LUZP2: variants seen among roughly 807,000 people sequenced by gnomAD.
LUZP2 encodes the protein leucine zipper protein 2.
In LUZP2, 52 loss-of-function variants were observed where a neutral mutation model predicts 51.6. The ratio of observed to expected loss-of-function variants is 1.01; its 90% CI spans 0.81 to 1.27. The LOEUF (loss-of-function observed/expected upper bound fraction) is 1.27. Ranked by LOEUF, LUZP2 falls within the 50% of genes most tolerant of loss-of-function variation. The pLI, the probability that LUZP2 is intolerant of heterozygous loss-of-function variation, is 0.00. For missense variants in LUZP2, 436 were observed against 395.4 expected (o/e 1.10, Z -0.87); for synonymous variants, 154 against 137.3 (o/e 1.12, Z -0.85).
intron 10 of LUZP2, among the ~76,000 whole-genome samples, chr11:25,069,494 G>T (rs765543687): frequency 1.3e-5 from 2 of 151,620 alleles, no homozygotes; most frequent in Non-Finnish European, 2.9e-5. Flanking sequence ...TCAAACCCCA[G>T]CTACACGTAC....
chr11:24,619,596 AG>A (rs1040787716), intron 1 of LUZP2, among the ~76,000 whole-genome samples: 1 of 152,192 alleles, frequency 6.6e-6, no homozygotes, highest in African/African-American at 2.4e-5. Flanking sequence ...AATTATAGTT[AG>A]TACAGTTATC....
chr11:24,901,381 G>C (rs1399824097), intron 5 of LUZP2, among the ~76,000 whole-genome samples: 2 of 144,114 alleles, frequency 1.4e-5, no homozygotes, highest in Admixed American at 7.2e-5. Context: ...AGTGAACTTT[G>C]ACCCTTACCT....
intron 1 of LUZP2, among the ~76,000 whole-genome samples, chr11:24,648,638 G>C (rs544084998): frequency 3.3e-5 from 5 of 151,932 alleles, no homozygotes; most frequent in Non-Finnish European, 7.4e-5. Flanking sequence ...TGGCAAAGGA[G>C]TCAGATTCAA....
At chr11:24,963,860 C>A (rs951726973) in intron 7 of LUZP2, among the ~76,000 whole-genome samples, 5 of 152,156 alleles carry the variant, frequency 3.3e-5, no homozygotes, top group Non-Finnish European at 5.9e-5. Context: ...TTCTGCGTTG[C>A]TCATGCTGGG....
chr11:25,081,663 AT>A lies in LUZP2; in HGVS notation c.*3006del, dbSNP rs1404314961. 1 of 152,192 alleles carries A rather than the reference AT, an allele frequency of 6.6e-6. No homozygotes were observed. Among genetic ancestry groups the A allele is most frequent in the African/African-American group, 2.4e-5 (1 of 41,454 alleles). 9.4% of individuals were successfully genotyped at this position (152,192 alleles called of 1,614,324 possible). On this transcript the variant is annotated 3_prime_UTR_variant, in exon 12 of 12. Transcript: ENST00000336930. ...CTCACATATTTTAATTAACAACTAA[AT>A]AAACAGACGTTGTTTTAAAGGAATT...
intron 1 of LUZP2, among the ~76,000 whole-genome samples, chr11:24,617,834 G>A (rs66522807): frequency 0.36 from 53,886 of 151,508 alleles, 9,717 homozygotes; most frequent in Middle Eastern, 0.42. Context: ...TCCAAAAATA[G>A]TAATAATAAT....
intron 7 of LUZP2, among the ~76,000 whole-genome samples, chr11:24,974,496 T>TCACA (rs1855831844): frequency 4.5e-5 from 1 of 22,104 alleles, no homozygotes; most frequent in Non-Finnish European, 2.9e-3. Context: ...TAGCATTTTC[T>TCACA]TACACATTAA....
At chr11:24,874,445 T>G (rs1440735144) in intron 5 of LUZP2, among the ~76,000 whole-genome samples, 1 of 152,164 alleles carries the variant, frequency 6.6e-6, no homozygotes, top group African/African-American at 2.4e-5. Context: ...AGTCAGGTGA[T>G]GAGCCCACCC....
intron 10 of LUZP2, among the ~76,000 whole-genome samples, chr11:25,052,791 T>C (rs1858560329): frequency 6.6e-6 from 1 of 152,074 alleles, no homozygotes; most frequent in Non-Finnish European, 1.5e-5. Flanking sequence ...AAATTCTTTA[T>C]CACATTTCTA....
intron 5 of LUZP2, among the ~76,000 whole-genome samples, chr11:24,870,490 G>GACACAA (rs1554927713): frequency 6.9e-6 from 1 of 145,634 alleles, no homozygotes; most frequent in Non-Finnish European, 1.5e-5. Context: ...CACACACACA[G>GACACAA]ACACACACAC....
chr11:24,811,540 T>C (rs1460662235), intron 5 of LUZP2, among the ~76,000 whole-genome samples: 13 of 152,068 alleles, frequency 8.5e-5, no homozygotes, highest in Admixed American at 8.5e-4. Context: ...ATGTGCAGGT[T>C]TGTTACATAG....
intron 9 of LUZP2, among the ~76,000 whole-genome samples, chr11:25,013,964 T>C (rs930088392): frequency 4.6e-5 from 7 of 152,166 alleles, no homozygotes; most frequent in African/African-American, 1.7e-4. Flanking sequence ...GTGTTCTCAT[T>C]GTTCAATTCC....
chr11:24,644,384 A>G (rs556209497), intron 1 of LUZP2, among the ~76,000 whole-genome samples: 126 of 152,228 alleles, frequency 8.3e-4, no homozygotes, highest in African/African-American at 2.9e-3. Context: ...GCCCACTCTG[A>G]TGCTGTTTAC....
chr11:24,639,666 G>A (rs1039329842), intron 1 of LUZP2, among the ~76,000 whole-genome samples: 1 of 151,760 alleles, frequency 6.6e-6, no homozygotes, highest in Non-Finnish European at 1.5e-5. Context: ...GGTCAGGCTG[G>A]TCTCTAACTC....
At chr11:24,982,337 A>C (rs1200568577) in intron 8 of LUZP2, among the ~76,000 whole-genome samples, 1 of 151,892 alleles carries the variant, frequency 6.6e-6, no homozygotes, top group Non-Finnish European at 1.5e-5. Flanking sequence ...TATTCACAAT[A>C]ACAAAGACAT....
chr11:24,977,765 G>A (rs1040828599), intron 8 of LUZP2, among the ~76,000 whole-genome samples: 5 of 151,356 alleles, frequency 3.3e-5, no homozygotes, highest in Non-Finnish European at 5.9e-5. Flanking sequence ...TAACATTATA[G>A]AAAATGATAT....
chr11:25,066,719 T>C (rs1859005906), intron 10 of LUZP2, among the ~76,000 whole-genome samples: 1 of 151,842 alleles, frequency 6.6e-6, no homozygotes, highest in Admixed American at 6.6e-5. Flanking sequence ...CTGATCTGTT[T>C]GGGTTGGAGA....
intron 1 of LUZP2, among the ~76,000 whole-genome samples, chr11:24,722,116 G>A (rs1356089385): frequency 1.3e-5 from 2 of 152,158 alleles, no homozygotes; most frequent in Admixed American, 6.5e-5. Context: ...AGTGAAATAA[G>A]TAAATTAACT....
chr11:24,748,257 C>A (rs1285239576), intron 4 of LUZP2, among the ~76,000 whole-genome samples: 3 of 152,112 alleles, frequency 2.0e-5, no homozygotes, highest in Non-Finnish European at 2.9e-5. Context: ...TTGCTCAGCT[C>A]TCTAAATTGA....
Sources: allele counts gnomAD v4.1 joint callset (sites outside exome capture counted in the v4.1 genomes callset), GRCh38; gene constraint gnomAD v4.1.1; transcripts MANE v1.5; gene names NCBI Gene and HGNC (gene_info 2026-07-23, HGNC 2026-07-21).